Variants in PALLD observed in about 807,000 individuals in gnomAD.
PALLD encodes the protein palladin, cytoskeletal associated protein.
PALLD carries 61 observed loss-of-function variants against 123.5 expected under a neutral mutation model. That is an observed-to-expected ratio of 0.49 (90% CI 0.40 to 0.61). The LOEUF is 0.61. Ranked by LOEUF, PALLD falls within the 20% of genes least tolerant of loss-of-function variation. PALLD has a pLI of 0.00. For missense variants in PALLD, 1,273 were observed against 1,377.0 expected (o/e 0.92, Z 1.20); for synonymous variants, 465 against 496.4 (o/e 0.94, Z 0.84).
intron 2 of PALLD, among the ~76,000 whole-genome samples, chr4:168,667,383 G>T (rs372044404): frequency 2.0e-5 from 3 of 152,024 alleles, no homozygotes; most frequent in South Asian, 2.1e-4. Context: ...CCCATTTGGG[G>T]TTTTTTTAGG....
At chr4:168,788,182 A>C (rs1737014831) in intron 10 of PALLD, among the ~76,000 whole-genome samples, 2 of 152,220 alleles carry the variant, frequency 1.3e-5, no homozygotes, top group Non-Finnish European at 2.9e-5. Flanking sequence ...TAGCAACCTA[A>C]GTACTAAATC....
At chr4:168,658,267 G>C (rs72699822) in intron 2 of PALLD, among the ~76,000 whole-genome samples, 29,457 of 147,382 alleles carry the variant, frequency 0.2, 3,666 homozygotes, top group Admixed American at 0.3. Context: ...TTTTTTGTTG[G>C]TGGTGGGTTT....
At chr4:168,541,307 G>A (rs551736395) in intron 2 of PALLD, among the ~76,000 whole-genome samples, 3 of 152,184 alleles carry the variant, frequency 2.0e-5, no homozygotes, top group Admixed American at 6.5e-5. Flanking sequence ...TCAGATGACA[G>A]CACATCCAAC....
At chr4:168,846,235 C>G (rs1746823491) in intron 10 of PALLD, among the ~76,000 whole-genome samples, 1 of 152,222 alleles carries the variant, frequency 6.6e-6, no homozygotes. Context: ...TATAGATCCA[C>G]TACATACAGT....
chr4:168,795,881 G>C lies in PALLD; in HGVS notation c.1964+83958G>C, dbSNP rs568668392. 4.6e-5 allele frequency among the ~76,000 whole-genome samples: 7 copies of C among 151,480 alleles called. No homozygotes were observed. In the South Asian group the frequency reaches 1.5e-3, roughly 32 times the overall value. ...GCACCACCACATCTGGCTATTTTTT[G>C]TACTTATTTTTTTTTATGTTTAATG... On this transcript the variant is annotated intron_variant, in intron 10 of 21. Coordinates refer to ENST00000505667, the MANE Select transcript of PALLD (RefSeq NM_001166108.2).
chr4:168,641,065 A>T (rs970451632), intron 2 of PALLD, among the ~76,000 whole-genome samples: 3 of 152,098 alleles, frequency 2.0e-5, no homozygotes, highest in African/African-American at 7.2e-5. Flanking sequence ...AAAATTAGCC[A>T]GGCGTGGCGG....
intron 10 of PALLD, among the ~76,000 whole-genome samples, chr4:168,712,682 G>A (rs2150217481): frequency 6.6e-6 from 1 of 152,290 alleles, no homozygotes; most frequent in Middle Eastern, 3.4e-3. Context: ...TTACTGCCCT[G>A]CCAGAGGTTA....
chr4:168,858,999 C>T (rs189311685), intron 10 of PALLD, among the ~76,000 whole-genome samples: 2 of 152,274 alleles, frequency 1.3e-5, no homozygotes, highest in East Asian at 3.9e-4. Flanking sequence ...TGTACTTTTG[C>T]ATTAAGACTT....
intron 2 of PALLD, among the ~76,000 whole-genome samples, chr4:168,575,665 A>G (rs1345019438): frequency 6.6e-6 from 1 of 152,048 alleles, no homozygotes; most frequent in African/African-American, 2.4e-5. Flanking sequence ...CAACTTTCAG[A>G]ACTCCTGGTC....
At chr4:168,825,922 C>G (rs1743356586) in intron 10 of PALLD, among the ~76,000 whole-genome samples, 1 of 152,196 alleles carries the variant, frequency 6.6e-6, no homozygotes, top group African/African-American at 2.4e-5. Context: ...TGAATTGCCA[C>G]TGGGATTAAC....
intron 10 of PALLD, among the ~76,000 whole-genome samples, chr4:168,801,530 G>C (rs966475533): frequency 2.6e-5 from 4 of 152,088 alleles, no homozygotes; most frequent in African/African-American, 9.7e-5. Flanking sequence ...TGCCCGCCTC[G>C]GCCTCCCAAA....
At chr4:168,627,859 A>G (rs1040398156) in intron 2 of PALLD, among the ~76,000 whole-genome samples, 2 of 152,254 alleles carry the variant, frequency 1.3e-5, no homozygotes, top group African/African-American at 4.8e-5. Flanking sequence ...GCTCTTAAAT[A>G]TATAAAAAAC....
chr4:168,648,356 T>A (rs949544149), intron 2 of PALLD: 11 of 152,116 alleles, frequency 7.2e-5, no homozygotes, highest in African/African-American at 2.2e-4. Context: ...TATGGCATAA[T>A]GAAGGGGGAA....
chr4:168,736,140 G>A (rs189522008), intron 10 of PALLD, among the ~76,000 whole-genome samples: 68 of 152,316 alleles, frequency 4.5e-4, no homozygotes, highest in Admixed American at 3.3e-3. Flanking sequence ...GAGTCTATTC[G>A]TTGCCGCAAT....
intron 10 of PALLD, among the ~76,000 whole-genome samples, chr4:168,751,259 A>T (rs11937795): frequency 6.6e-6 from 1 of 151,976 alleles, no homozygotes; most frequent in East Asian, 1.9e-4. Flanking sequence ...TGATCTGCCC[A>T]CCTCAGCCTC....
At position 168,900,523 on chromosome 4, in the gene PALLD, G is replaced by A. The variant is rs1010544055; in HGVS notation, c.2472+1809G>A. ...TTAATAGTGGCATAAAATGAAAGAGGGAAAAGTGATAAAAAAATACCTGAC... is the reference window on the plus strand; with the variant it reads ...TTAATAGTGGCATAAAATGAAAGAGAGAAAAGTGATAAAAAAATACCTGAC... On this transcript the variant is annotated intron_variant, in intron 14 of 21. Coordinates refer to ENST00000505667, the MANE Select transcript of PALLD (RefSeq NM_001166108.2). Among the ~76,000 whole-genome samples, 5 of 151,992 alleles carry A rather than the reference G, an allele frequency of 3.3e-5. No individual in the cohort carries two copies. The South Asian group carries it at 1.0e-3, about 32-fold the overall frequency.
chr4:168,574,922 T>G (rs1769391946), intron 2 of PALLD, among the ~76,000 whole-genome samples: 3 of 152,114 alleles, frequency 2.0e-5, no homozygotes, highest in Admixed American at 1.3e-4. Flanking sequence ...CTGACTCACT[T>G]AAAAATGAGA....
At chr4:168,582,490 T>G (rs1391858899) in intron 2 of PALLD, among the ~76,000 whole-genome samples, 1 of 152,112 alleles carries the variant, frequency 6.6e-6, no homozygotes, top group East Asian at 1.9e-4. Context: ...GGCTAGGACC[T>G]CCTGTACTAT....
intron 10 of PALLD, among the ~76,000 whole-genome samples, chr4:168,858,990 G>A (rs140642357): frequency 6.6e-6 from 1 of 152,126 alleles, no homozygotes; most frequent in Non-Finnish European, 1.5e-5. Flanking sequence ...TATCATTTTT[G>A]TACTTTTGCA....
Sources: allele counts gnomAD v4.1 joint callset (sites outside exome capture counted in the v4.1 genomes callset), GRCh38; gene constraint gnomAD v4.1.1; transcripts MANE v1.5; gene names NCBI Gene and HGNC (gene_info 2026-07-23, HGNC 2026-07-21).